ANAPC4: variants seen among roughly 807,000 people sequenced by gnomAD.
ANAPC4 encodes the protein anaphase-promoting complex subunit 4.
Under a neutral mutation model 119.8 loss-of-function variants are expected in ANAPC4, and 63 were observed. That is an observed-to-expected ratio of 0.53 (90% CI 0.43 to 0.65). The LOEUF (loss-of-function observed/expected upper bound fraction) is 0.65. Ranked by LOEUF, ANAPC4 falls within the 30% of genes least tolerant of loss-of-function variation. The pLI, the probability that ANAPC4 is intolerant of heterozygous loss-of-function variation, is 0.00. For synonymous variants in ANAPC4, 283 were observed against 318.6 expected (o/e 0.89, Z 1.19); for missense variants, 716 against 945.1 (o/e 0.76, Z 3.18).
chr4:25,380,285 T>A, intron 2 of ANAPC4, 89 bp from the exon 3 acceptor site: 1 of 930,498 alleles, frequency 1.1e-6, no homozygotes, highest in South Asian at 1.8e-5. Context: ...GAGATGGTCA[T>A]TTAAAAAAAT....
intron 16 of ANAPC4, among the ~76,000 whole-genome samples, chr4:25,400,861 C>A (rs1722925726): frequency 6.6e-6 from 1 of 151,866 alleles, no homozygotes; most frequent in African/African-American, 2.4e-5. Flanking sequence ...AGAGGCTGGA[C>A]AGATAGGAGG....
In ANAPC4 at chr4:25,377,277, G is replaced by T; in HGVS notation, c.-78G>T. 1 of 1,107,082 alleles carries T rather than the reference G, an allele frequency of 9.0e-7. No individual in the cohort carries two copies. The highest frequency in any genetic ancestry group is 1.2e-6 in the Non-Finnish European group (1 of 808,752). 68.6% of individuals were successfully genotyped at this position (1,107,082 alleles called of 1,614,324 possible). On this transcript the variant is annotated 5_prime_UTR_variant, in exon 1 of 29. Coordinates refer to ENST00000315368, the MANE Select transcript of ANAPC4 (RefSeq NM_013367.3). ...GGCGGGGCGGCCTGGAGGCTGTGGC[G>T]CGCGGCCGGCAGAGGGAGGGGAGAG...
chr4:25,395,379 A>G (rs1013036079), intron 14 of ANAPC4: 2 of 152,510 alleles, frequency 1.3e-5, no homozygotes, highest in Non-Finnish European at 2.9e-5. Flanking sequence ...TTCAAATCTC[A>G]TGCTTTTTCT....
chr4:25,380,679 T>C (rs1721665986), intron 3 of ANAPC4, 200 bp downstream of exon 3: 1 of 392,398 alleles, frequency 2.5e-6, no homozygotes, highest in Non-Finnish European at 4.5e-6. Flanking sequence ...GGCAAAGATA[T>C]CTCTTAAATA....
chr4:25,401,382 T>C (rs935302278), intron 16 of ANAPC4, among the ~76,000 whole-genome samples: 1 of 152,212 alleles, frequency 6.6e-6, no homozygotes, highest in Non-Finnish European at 1.5e-5. Context: ...CTTCCCACTT[T>C]ACTCAGTTTC....
intron 25 of ANAPC4, chr4:25,415,211 C>A (rs1012449304): frequency 2.9e-5 from 10 of 349,244 alleles, no homozygotes; most frequent in Non-Finnish European, 4.6e-5. Flanking sequence ...TGGTTTTAAA[C>A]CTGAATTTGA....
rs895914471 is a variant in ANAPC4 at position 25,377,352 on chromosome 4, C to A, written c.-11+8C>A. On this transcript the variant is annotated splice_region_variant and intron_variant, in intron 1 of 28. Coordinates refer to ENST00000315368, the MANE Select transcript of ANAPC4 (RefSeq NM_013367.3). ...CGGTGGGGACTCTTGCAGGTACAGG[C>A]GCGGTCGGGGCTCCTCGTGGAGAGC... 5.8e-5 allele frequency: 91 copies of A among 1,578,724 alleles called. No individual in the cohort carries two copies. The highest frequency in any genetic ancestry group is 7.6e-5 in the Non-Finnish European group (88 of 1,162,466).
intron 21 of ANAPC4, among the ~76,000 whole-genome samples, chr4:25,411,558 A>G (rs1723566942): frequency 6.6e-6 from 1 of 152,126 alleles, no homozygotes. Flanking sequence ...GTGGTGGGTA[A>G]AAGTTGGTGC....
chr4:25,415,214 G>A (rs530481466), intron 25 of ANAPC4: 1 of 358,262 alleles, frequency 2.8e-6, no homozygotes, highest in Middle Eastern at 7.3e-4. Context: ...TTTTAAACCT[G>A]AATTTGAAGA....
Position 25,393,730 on chromosome 4 carries a change from A to T in ANAPC4, c.790-75A>T, listed in dbSNP as rs191675640. 2.7e-4 allele frequency: 215 copies of T among 794,714 alleles called. No individual in the cohort carries two copies. In the African/African-American group the frequency reaches 3.5e-3, roughly 13 times the overall value. 49.2% of individuals were successfully genotyped at this position (794,714 alleles called of 1,614,324 possible). A position where few individuals can be genotyped will look rare whatever the true frequency, so the allele number is the denominator to read the frequency against. ...CTAGATTTCTTTGAGACACTTGATC[A>T]TAAGCACATATTATTTAGATAGCAA... On this transcript the variant is annotated intron_variant, in intron 10 of 28. Coordinates refer to ENST00000315368, the MANE Select transcript of ANAPC4 (RefSeq NM_013367.3).
chr4:25,397,854 T>G (rs1722745375), intron 16 of ANAPC4, among the ~76,000 whole-genome samples: 1 of 152,044 alleles, frequency 6.6e-6, no homozygotes, highest in Admixed American at 6.5e-5. Context: ...TTCATTGTGC[T>G]ATAATAAGCC....
rs1722673424 is a variant in ANAPC4 at position 25,396,735 on chromosome 4, C to T, written c.1133C>T (p.Pro378Leu). Residue 378 changes from proline to leucine, a missense_variant, in exon 15 of 29, where the codon CCT (proline) becomes CTT (leucine). By Grantham distance (98) the Pro-to-Leu change is moderately conservative. This residue lies in a region of ANAPC4 where 504 missense variants were observed against 615.8 expected (regional missense o/e 0.82). Coordinates refer to ENST00000315368, the MANE Select transcript of ANAPC4 (RefSeq NM_013367.3). ...GCTTCATGGAAGCAAAAATATGAAC[C>T]TCTTGGACTAGATGCTGCAGGAATC... ...GMASWKQKYE[P>L]LGLDAAGIEE... is the part of the protein sequence containing the mutation. 1.2e-6 allele frequency: 2 copies of T among 1,613,630 alleles called. No individual in the cohort carries two copies. Among genetic ancestry groups the T allele is most frequent in the East Asian group, 4.5e-5 (2 of 44,820 alleles).
rs754214313 is a variant in ANAPC4 at position 25,418,322 on chromosome 4, C to T, written c.2367C>T (p.Ala789=). Residue 789 remains alanine (A), a synonymous_variant, in exon 29 of 29, where the codon GCC becomes GCT. Coordinates refer to ENST00000315368, the MANE Select transcript of ANAPC4 (RefSeq NM_013367.3). ...CAGAGAACCAACAAGCTGGTGCTGC[C>T]GCTTTAGCTCCAGAGATAGTCATTA... ...SEAENQQAGA[A]ALAPEIVIKV... 3.7e-6 allele frequency: 6 copies of T among 1,613,794 alleles called. No individual in the cohort carries two copies. The highest frequency in any genetic ancestry group is 1.6e-4 in the Middle Eastern group (1 of 6,080).
intron 4 of ANAPC4, among the ~76,000 whole-genome samples, chr4:25,384,392 C>T (rs1372719636): frequency 6.6e-6 from 1 of 152,236 alleles, no homozygotes; most frequent in Admixed American, 6.5e-5. Context: ...ATTTTGACTT[C>T]TTCCCATGAA....
chr4:25,385,508 C>T (rs976603864), intron 4 of ANAPC4, among the ~76,000 whole-genome samples: 2 of 152,198 alleles, frequency 1.3e-5, no homozygotes, highest in African/African-American at 4.8e-5. Context: ...TAGGCTTTGG[C>T]TTAACAGAAT....
intron 21 of ANAPC4, among the ~76,000 whole-genome samples, chr4:25,410,319 T>G (rs185560431): frequency 6.6e-6 from 1 of 152,322 alleles, no homozygotes; most frequent in Non-Finnish European, 1.5e-5. Flanking sequence ...CATCTTACCA[T>G]TTTAGATGAA....
intron 6 of ANAPC4, 29 bp from the exon 7 acceptor site, chr4:25,388,809 A>G: frequency 1.2e-6 from 2 of 1,602,656 alleles, no homozygotes; most frequent in East Asian, 2.2e-5. Context: ...CAGAATTGAA[A>G]GATGACCCAA....
chr4:25,415,849 G>A (rs1264857738), intron 26 of ANAPC4: 2 of 245,294 alleles, frequency 8.2e-6, no homozygotes, highest in South Asian at 1.4e-4. Flanking sequence ...TTCTTGTTAC[G>A]ACCAAAAAAA....
chr4:25,407,287 A>G, intron 20 of ANAPC4, 34 bp downstream of exon 20: 3 of 1,522,976 alleles, frequency 2.0e-6, no homozygotes, highest in Non-Finnish European at 2.7e-6. Context: ...AAACCTTAGC[A>G]GTGTTCATCT....
Sources: allele counts gnomAD v4.1 joint callset (sites outside exome capture counted in the v4.1 genomes callset), GRCh38; gene constraint gnomAD v4.1.1; regional missense constraint gnomAD v4.1.1; transcripts MANE v1.5; gene names NCBI Gene and HGNC (gene_info 2026-07-23, HGNC 2026-07-21).